Variants in WNT7B observed in about 807,000 individuals in gnomAD.
WNT7B encodes the protein protein Wnt-7b.
In WNT7B, 19 loss-of-function variants were observed where a neutral mutation model predicts 38.2. That is an observed-to-expected ratio of 0.50 (90% CI 0.35 to 0.73). The LOEUF (loss-of-function observed/expected upper bound fraction) is 0.73. Ranked by LOEUF, WNT7B falls within the 30% of genes least tolerant of loss-of-function variation. The probability of loss-of-function intolerance (pLI) is 0.01; values close to 1 mark genes in which losing one functional copy is unlikely to be tolerated. For synonymous variants in WNT7B, 243 were observed against 209.3 expected, an observed-to-expected ratio of 1.16 and a Z score of -1.39; for missense variants, 423 against 507.9, an observed-to-expected ratio of 0.83 and a Z score of 1.61.
intron 1 of WNT7B, among the ~76,000 whole-genome samples, chr22:45,973,751 G>T (rs1352528247): frequency 6.6e-6 from 1 of 152,200 alleles, no homozygotes; most frequent in African/African-American, 2.4e-5. Flanking sequence ...AGGTGCATTT[G>T]TTCTTAGGGC....
At chr22:45,945,038 A>T (rs1190137875) in intron 2 of WNT7B, among the ~76,000 whole-genome samples, 1 of 152,112 alleles carries the variant, frequency 6.6e-6, no homozygotes, top group Non-Finnish European at 1.5e-5. Flanking sequence ...GTCCGCTGAA[A>T]TTTTCTAGTA....
intron 1 of WNT7B, among the ~76,000 whole-genome samples, chr22:45,964,424 C>CT (rs922113906): frequency 1.2e-4 from 18 of 152,054 alleles, no homozygotes; most frequent in Admixed American, 2.6e-4. Context: ...AGGCCAGCCC[C>CT]CCCCAGGCTG....
chr22:45,929,678 C>CGTGAA, intron 3 of WNT7B, among the ~76,000 whole-genome samples: 2 of 70,900 alleles, frequency 2.8e-5, no homozygotes, highest in African/African-American at 1.4e-4. Flanking sequence ...CCATCCTTCC[C>CGTGAA]TCCATACTTC....
At chr22:45,967,264 C>A (rs1339576435) in intron 1 of WNT7B, among the ~76,000 whole-genome samples, 2 of 152,064 alleles carry the variant, frequency 1.3e-5, no homozygotes, top group Non-Finnish European at 2.9e-5. Context: ...GGGGTTTCAT[C>A]TGACAAGGGA....
chr22:45,958,440 C>T (rs1038001643), intron 1 of WNT7B, among the ~76,000 whole-genome samples: 3 of 152,198 alleles, frequency 2.0e-5, no homozygotes, highest in African/African-American at 7.2e-5. Flanking sequence ...CAAAGCCTCC[C>T]CCAGCAGGTA....
chr22:45,969,030 C>T (rs762889563), intron 1 of WNT7B, among the ~76,000 whole-genome samples: 8 of 152,204 alleles, frequency 5.3e-5, no homozygotes, highest in African/African-American at 7.2e-5. Flanking sequence ...GCCTGAGCCA[C>T]GGGGCGCATC....
rs1931925613 is a variant in WNT7B at position 45,951,220 on chromosome 22, T to C, written c.72-1074A>G. On this transcript the variant is annotated intron_variant, in intron 1 of 3. Coordinates refer to ENST00000339464, the MANE Select transcript of WNT7B (RefSeq NM_058238.3). The surrounding 1 kb of genome is among the most constrained non-coding windows in gnomAD (Gnocchi z 4.8). The stretch of plus-strand genomic sequence containing the variant: ...AGCCTCCCGAGTAGCTGTACTACAG[T>C]TGCCCACCACCACACCCGGCTAATT... Among the ~76,000 whole-genome samples, 1 of 152,058 alleles carries C rather than the reference T, an allele frequency of 6.6e-6. No individual in the cohort carries two copies. The highest frequency in any genetic ancestry group is 2.4e-5 in the African/African-American group (1 of 41,402).
intron 2 of WNT7B, among the ~76,000 whole-genome samples, chr22:45,932,417 C>CCA (rs149338236): frequency 8.4e-5 from 8 of 95,428 alleles, no homozygotes; most frequent in Admixed American, 4.9e-4. Flanking sequence ...CCTTCCCAGA[C>CCA]CCCCCCCGCC....
intron 2 of WNT7B, among the ~76,000 whole-genome samples, chr22:45,933,237 C>T (rs1470786369): frequency 1.3e-5 from 2 of 152,142 alleles, no homozygotes; most frequent in Non-Finnish European, 2.9e-5. Flanking sequence ...GGATGGTGTC[C>T]AGCATCCCTC....
chr22:45,929,056 T>A (rs750322609), intron 3 of WNT7B, among the ~76,000 whole-genome samples: 17 of 152,072 alleles, frequency 1.1e-4, no homozygotes, highest in South Asian at 2.1e-4. Context: ...ATGGGGAGAG[T>A]GAGAGTTTCT....
At chr22:45,967,591 G>C (rs1246192178) in intron 1 of WNT7B, among the ~76,000 whole-genome samples, 1 of 152,096 alleles carries the variant, frequency 6.6e-6, no homozygotes, top group African/African-American at 2.4e-5. Context: ...GCCACACCCA[G>C]GGTCTGTTAG....
At chr22:45,926,162 C>G in intron 3 of WNT7B, 1 of 985,436 alleles carries the variant, frequency 1.0e-6, no homozygotes, top group Non-Finnish European at 1.2e-6. Context: ...TGGGTCAGAG[C>G]CTCTCCCAGG....
intron 1 of WNT7B, among the ~76,000 whole-genome samples, chr22:45,970,883 C>G (rs1932419528): frequency 6.6e-6 from 1 of 152,254 alleles, no homozygotes; most frequent in African/African-American, 2.4e-5. Flanking sequence ...GCCCCGCCCC[C>G]CTCAGGCGAT....
chr22:45,931,347 C>T lies in WNT7B; in HGVS notation c.321G>A (p.Thr107=), dbSNP rs138303600. The change falls in exon 3 of 4, where the codon ACG becomes ACA. Residue 107 remains threonine (T), a synonymous_variant. Transcript: ENST00000339464. ...CCACGCCAGCCGCGGTGATGGCGTACGTGAAGGCAGCCTCACGGCTCCCTG... is the reference window on the plus strand; with the variant it reads ...CCACGCCAGCCGCGGTGATGGCGTATGTGAAGGCAGCCTCACGGCTCCCTG... ...LRVGSREAAF[T]YAITAAGVAH... is the part of the protein sequence containing the mutation. 1.6e-5 allele frequency: 26 copies of T among 1,591,928 alleles called. No individual in the cohort carries two copies. In the East Asian group the frequency reaches 2.0e-4, roughly 12 times the overall value.
chr22:45,946,189 C>T (rs1282481627), intron 2 of WNT7B, among the ~76,000 whole-genome samples: 2 of 152,338 alleles, frequency 1.3e-5, no homozygotes, highest in South Asian at 4.1e-4. Context: ...GCCCTGCCCT[C>T]ACCCTCCAGC....
chr22:45,963,073 C>A (rs1399666003), intron 1 of WNT7B, among the ~76,000 whole-genome samples: 1 of 152,226 alleles, frequency 6.6e-6, no homozygotes, highest in South Asian at 2.1e-4. Context: ...GACTCAGCCT[C>A]AGGCCGCAGT....
rs1932543944 is a variant in WNT7B at position 45,976,073 on chromosome 22, G to A, written c.71+611C>T. On this transcript the variant is annotated intron_variant, in intron 1 of 3. Transcript: ENST00000339464. The surrounding 1 kb of genome is among the most constrained non-coding windows in gnomAD (Gnocchi z 8.5). Reference sequence around the variant, plus strand: ...GCCCAGGGCCCAGGGCCCCGGGCGGGCGGGGCACGGGCCCCGGACCGAGCC... The same window carrying A: ...GCCCAGGGCCCAGGGCCCCGGGCGGACGGGGCACGGGCCCCGGACCGAGCC... The A allele has an allele frequency of 6.9e-6, 1 of 145,410 alleles. No individual in the cohort carries two copies. The highest frequency in any genetic ancestry group is 6.8e-5 in the Admixed American group (1 of 14,714). 9.0% of individuals were successfully genotyped at this position (145,410 alleles called of 1,614,324 possible). A position where few individuals can be genotyped will look rare whatever the true frequency, so the allele number is the denominator to read the frequency against.
At chr22:45,967,878 G>A (rs1932347596) in intron 1 of WNT7B, among the ~76,000 whole-genome samples, 1 of 152,162 alleles carries the variant, frequency 6.6e-6, no homozygotes, top group Non-Finnish European at 1.5e-5. Flanking sequence ...TCCAACTGCT[G>A]GCTGGAGCCT....
chr22:45,946,624 C>T (rs1038596160), intron 2 of WNT7B, among the ~76,000 whole-genome samples: 7 of 152,138 alleles, frequency 4.6e-5, no homozygotes, highest in Admixed American at 2.6e-4. Flanking sequence ...CCTCCAGGCA[C>T]GAGGGGGACC....
Sources: allele counts gnomAD v4.1 joint callset (sites outside exome capture counted in the v4.1 genomes callset), GRCh38; gene constraint gnomAD v4.1.1; non-coding constraint Gnocchi (gnomAD v3.1); transcripts MANE v1.5; gene names NCBI Gene and HGNC (gene_info 2026-07-23, HGNC 2026-07-21).